CELF2: variants seen among roughly 807,000 people sequenced by gnomAD.
CELF2 encodes the protein CUGBP Elav-like family member 2.
A neutral mutation model predicts 62.6 loss-of-function variants in CELF2; 8 were observed. That is an observed-to-expected ratio of 0.13 (90% CI 0.07 to 0.23). The LOEUF (loss-of-function observed/expected upper bound fraction) is 0.23. CELF2 is among the 10% of genes least tolerant of loss of function. CELF2 has a pLI of 1.00. For missense variants in CELF2, 333 were observed against 671.0 expected, an observed-to-expected ratio of 0.50 and a Z score of 5.56; for synonymous variants, 258 against 250.0, an observed-to-expected ratio of 1.03 and a Z score of -0.30.
intron 1 of CELF2, among the ~76,000 whole-genome samples, chr10:11,061,216 A>T (rs914602735): frequency 3.9e-5 from 6 of 152,244 alleles, no homozygotes; most frequent in Non-Finnish European, 7.3e-5. Context: ...AAAGTGAAAT[A>T]GACTTATTGC....
chr10:10,874,452 A>C (rs1324771951), intron 1 of CELF2, among the ~76,000 whole-genome samples: 1 of 152,148 alleles, frequency 6.6e-6, no homozygotes, highest in East Asian at 1.9e-4. Context: ...AAAAAAAAAA[A>C]AAACCTTGAT....
At chr10:11,282,921 T>C (rs886139926) in intron 8 of CELF2, among the ~76,000 whole-genome samples, 1 of 152,238 alleles carries the variant, frequency 6.6e-6, no homozygotes, top group East Asian at 1.9e-4. Context: ...TCACCTCTGG[T>C]GTACAAGCAC....
At position 11,010,415 on chromosome 10, in the gene CELF2, C is replaced by A. The variant is rs982632859; in HGVS notation, c.53+4975C>A. ...ACTGGCCTTCTCTCTTCCTTTCCAACTGCCCGTTGTAGGTTTTAACAAAGA... is the reference window on the plus strand; with the variant it reads ...ACTGGCCTTCTCTCTTCCTTTCCAAATGCCCGTTGTAGGTTTTAACAAAGA... On this transcript the variant is annotated intron_variant, in intron 1 of 12. Transcript: ENST00000416382. The surrounding 1 kb of genome is among the most constrained non-coding windows in gnomAD (Gnocchi z 4.1). 1.3e-5 allele frequency among the ~76,000 whole-genome samples: 2 copies of A among 152,188 alleles called. No homozygotes were observed. The highest frequency in any genetic ancestry group is 2.9e-5 in the Non-Finnish European group (2 of 68,038).
At chr10:11,141,603 T>TG (rs1325791155) in intron 1 of CELF2, among the ~76,000 whole-genome samples, 3 of 152,004 alleles carry the variant, frequency 2.0e-5, no homozygotes, top group African/African-American at 7.3e-5. Context: ...CAACCTGGGG[T>TG]GGGGAAGAAT....
At chr10:10,846,432 C>T (rs1401498410) in intron 1 of CELF2, among the ~76,000 whole-genome samples, 1 of 152,100 alleles carries the variant, frequency 6.6e-6, no homozygotes, top group Non-Finnish European at 1.5e-5. Flanking sequence ...GTCTTTTCAT[C>T]TTGACAAATA....
chr10:10,988,294 T>TATAGAG (rs570457572), intron 2 of CELF2, among the ~76,000 whole-genome samples: 1 of 140,766 alleles, frequency 7.1e-6, no homozygotes, highest in African/African-American at 2.9e-5. Context: ...TATATATATA[T>TATAGAG]AGAGAGAGAG....
chr10:10,822,559 T>C (rs1300115127), intron 1 of CELF2, among the ~76,000 whole-genome samples: 3 of 152,218 alleles, frequency 2.0e-5, no homozygotes, highest in Admixed American at 1.3e-4. Context: ...ATTATATGTG[T>C]TCAGCCAGAA....
At chr10:11,265,617 A>G (rs1291856330) in intron 5 of CELF2, among the ~76,000 whole-genome samples, 2 of 152,262 alleles carry the variant, frequency 1.3e-5, no homozygotes, top group African/African-American at 2.4e-5. Context: ...AATAAAATGT[A>G]AATTTGAGAA....
At chr10:10,854,806 C>A (rs2059606673) in intron 1 of CELF2, among the ~76,000 whole-genome samples, 1 of 151,910 alleles carries the variant, frequency 6.6e-6, no homozygotes, top group Non-Finnish European at 1.5e-5. Context: ...GGCCCCCTCT[C>A]CAAGTCAACA....
intron 1 of CELF2, among the ~76,000 whole-genome samples, chr10:11,044,978 A>G (rs1438630291): frequency 1.3e-5 from 2 of 152,202 alleles, no homozygotes; most frequent in Non-Finnish European, 2.9e-5. Context: ...CCAGGCCTCT[A>G]CTCGCCTGTT....
intron 1 of CELF2, among the ~76,000 whole-genome samples, chr10:10,859,685 G>T (rs959712427): frequency 6.6e-6 from 1 of 152,098 alleles, no homozygotes; most frequent in Non-Finnish European, 1.5e-5. Context: ...TTTATTCGAA[G>T]ATCTAGCAGT....
At chr10:10,480,955 C>T in the CELF2 span, among the ~76,000 whole-genome samples, 9 of 151,972 alleles carry the variant, frequency 5.9e-5, no homozygotes, top group African/African-American at 1.9e-4. Flanking sequence ...TCCAGCTACT[C>T]GGGAGGCTGA....
chr10:10,944,822 C>A (rs535078256), intron 2 of CELF2, among the ~76,000 whole-genome samples: 1 of 152,054 alleles, frequency 6.6e-6, no homozygotes, highest in Non-Finnish European at 1.5e-5. Context: ...AGGCTGGTCC[C>A]GAACAACTGA....
intron 1 of CELF2, among the ~76,000 whole-genome samples, chr10:11,105,122 A>G (rs2053039302): frequency 6.6e-6 from 1 of 152,246 alleles, no homozygotes. Context: ...GATGGGAAAT[A>G]AAACTCTAAG....
chr10:11,020,589 G>A (rs1444422530), intron 1 of CELF2, among the ~76,000 whole-genome samples: 1 of 152,190 alleles, frequency 6.6e-6, no homozygotes, highest in African/African-American at 2.4e-5. Context: ...ATTGCAGTCG[G>A]CTAGATATTG....
Position 11,220,188 on chromosome 10 carries a change from A to G in CELF2, c.354+2681A>G, listed in dbSNP as rs1006160872. ...AAAAGTCACTTGCTGCCTTTTTTCT[A>G]AAGTGTCCAAAACTTTCGATTTAAA... is the stretch of plus-strand genomic sequence containing the variant. On this transcript the variant is annotated intron_variant, in intron 3 of 12. Transcript: ENST00000633077. The surrounding 1 kb of genome is among the most constrained non-coding windows in gnomAD (Gnocchi z 4.4). 6.6e-6 allele frequency among the ~76,000 whole-genome samples: 1 copy of G among 152,212 alleles called. No individual in the cohort carries two copies. The highest frequency in any genetic ancestry group is 2.4e-5 in the African/African-American group (1 of 41,450).
intron 2 of CELF2, among the ~76,000 whole-genome samples, chr10:11,212,338 C>G (rs143970332): frequency 4.6e-5 from 7 of 152,164 alleles, no homozygotes; most frequent in Non-Finnish European, 1.0e-4. Flanking sequence ...CCTGTGAGGC[C>G]CCCCCGGGCC....
In CELF2 at chr10:11,329,499, C is replaced by T. The variant is rs1452727985; in HGVS notation, c.*446C>T. 1 of 152,724 alleles carries T rather than the reference C, an allele frequency of 6.5e-6. No homozygotes were observed. Among genetic ancestry groups the T allele is most frequent in the Non-Finnish European group, 1.5e-5 (1 of 68,108 alleles). 9.5% of individuals were successfully genotyped at this position (152,724 alleles called of 1,614,324 possible). A position where few individuals can be genotyped will look rare whatever the true frequency, so the allele number is the denominator to read the frequency against. On this transcript the variant is annotated 3_prime_UTR_variant, in exon 13 of 13. Coordinates refer to ENST00000633077, the MANE Select transcript of CELF2 (RefSeq NM_001326342.2). The surrounding 1 kb of genome is among the most constrained non-coding windows in gnomAD (Gnocchi z 5.5). ...GCCTGGAGAATTCACCCCTCCTTGCCCGGCGCCCGCCCCCGGAGGGAGGGC... is the reference window on the plus strand; with the variant it reads ...GCCTGGAGAATTCACCCCTCCTTGCTCGGCGCCCGCCCCCGGAGGGAGGGC...
the CELF2 span, among the ~76,000 whole-genome samples, chr10:10,476,894 G>A: frequency 6.6e-6 from 1 of 152,116 alleles, no homozygotes; most frequent in Non-Finnish European, 1.5e-5. Context: ...TCTTCATTTT[G>A]TGAATGGTTC....
Sources: allele counts gnomAD v4.1 joint callset (sites outside exome capture counted in the v4.1 genomes callset), GRCh38; gene constraint gnomAD v4.1.1; non-coding constraint Gnocchi (gnomAD v3.1); transcripts MANE v1.5; gene names NCBI Gene and HGNC (gene_info 2026-07-23, HGNC 2026-07-21).